Variants in ARMCX4 observed in about 807,000 individuals in gnomAD.
The protein encoded by ARMCX4 is armadillo repeat-containing X-linked protein 4.
In ARMCX4, 3 loss-of-function variants were observed where a neutral mutation model predicts 34.7. That is an observed-to-expected ratio of 0.09 (90% CI 0.04 to 0.22). The LOEUF (loss-of-function observed/expected upper bound fraction) is 0.22. ARMCX4 is among the 10% of genes least tolerant of loss of function. The probability of loss-of-function intolerance (pLI) is 1.00; values close to 1 mark genes in which losing one functional copy is unlikely to be tolerated. For missense variants in ARMCX4, 1,448 were observed against 1,720.8 expected, an observed-to-expected ratio of 0.84 and a Z score of 2.81; for synonymous variants, 513 against 632.8, an observed-to-expected ratio of 0.81 and a Z score of 2.84.
downstream of ARMCX4, among the ~76,000 whole-genome samples, chrX:101,496,812 T>C (rs1336657704): frequency 9.0e-6 from 1 of 111,507 alleles, no homozygotes; most frequent in Non-Finnish European, 1.9e-5. Flanking sequence ...TATACACTGG[T>C]ACAAGGTCCA....
At position 101,494,462 on chromosome X, in the gene ARMCX4, G is replaced by C; in HGVS notation, c.5873G>C (p.Ser1958Thr). 3.5e-6 allele frequency: 4 copies of C among 1,155,460 alleles called. No individual in the cohort carries two copies. Among genetic ancestry groups the C allele is most frequent in the Non-Finnish European group, 4.6e-6 (4 of 872,681 alleles). The change falls in exon 6 of 6, where the codon AGT becomes ACT. Residue 1958 changes from serine (S) to threonine (T), a missense_variant. Transcript: ENST00000423738. Reference sequence around the variant, plus strand: ...TTCTGTGCTGGTAATGAAAACACAAGTGAGGACAAATCTGCACCTAAGGCT... The same window carrying C: ...TTCTGTGCTGGTAATGAAAACACAACTGAGGACAAATCTGCACCTAAGGCT... ...SWFCAGNENTSEDKSAPKAKA... is the reference protein window; with the variant it reads ...SWFCAGNENTTEDKSAPKAKA...
intron 2 of ARMCX4, among the ~76,000 whole-genome samples, chrX:101,432,848 GTGTA>G (rs1930203120): frequency 1.1e-5 from 1 of 92,165 alleles, no homozygotes; most frequent in Admixed American, 1.2e-4. Flanking sequence ...GTATACATAT[GTGTA>G]TATATACACG....
In ARMCX4 at chrX:101,493,877, A is replaced by T. The variant is rs1206401793; in HGVS notation, c.5288A>T (p.Asp1763Val). Residue 1763 changes from aspartate (D) to valine (V), a missense_variant, in exon 6 of 6, where the codon GAT becomes GTT. Asp to Val is a radical substitution (Grantham distance 152, BLOSUM62 -3). Around this residue, in one of 2 missense-constraint regions of ARMCX4, gnomAD observed 1,343 missense variants for 1,540.7 expected, o/e 0.87. Transcript: ENST00000423738. The stretch of plus-strand genomic sequence containing the variant: ...ATTGTGTCCAGGCCTGATGATAAAG[A>T]TGAGGCCACTACTGCATCCAGATCA... ...ADIVSRPDDK[D>V]EATTASRSGA... is the part of the protein sequence containing the mutation. 11 of 1,148,000 alleles carry T rather than the reference A, an allele frequency of 9.6e-6. No individual in the cohort carries two copies. The highest frequency in any genetic ancestry group is 5.7e-6 in the Non-Finnish European group (5 of 870,775). The allele number at this position is 1,148,000 out of a possible 1,213,427, so 94.6% of individuals were successfully genotyped here.
chrX:101,465,818 C>A (rs1403922644), intron 4 of ARMCX4, among the ~76,000 whole-genome samples: 2 of 112,090 alleles, frequency 1.8e-5, no homozygotes, highest in African/African-American at 6.5e-5. Flanking sequence ...TCTCAACAAA[C>A]AGCAAAGGGT....
intron 2 of ARMCX4, among the ~76,000 whole-genome samples, chrX:101,436,436 CT>C (rs1300675491): frequency 2.1e-4 from 23 of 109,879 alleles, no homozygotes; most frequent in Admixed American, 1.9e-3. Context: ...CATGATTTGG[CT>C]CTCTGTTTGT....
intron 8 of ARMCX4, among the ~76,000 whole-genome samples, chrX:101,508,205 A>G (rs150592858): frequency 8.9e-6 from 1 of 112,507 alleles, no homozygotes; most frequent in East Asian, 2.8e-4. Flanking sequence ...ATTTCTCAGA[A>G]CGTATCTTCA....
intron 11 of ARMCX4, among the ~76,000 whole-genome samples, chrX:101,514,311 G>A (rs1316236888): frequency 9.0e-6 from 1 of 110,834 alleles, no homozygotes; most frequent in African/African-American, 3.3e-5. Flanking sequence ...ATGAAACCTG[G>A]CTATGAAAAA....
At chrX:101,527,099 A>G (rs1473638468) in intron 11 of ARMCX4, among the ~76,000 whole-genome samples, 1 of 112,088 alleles carries the variant, frequency 8.9e-6, no homozygotes, top group Non-Finnish European at 1.9e-5. Flanking sequence ...ACTCCTCAGC[A>G]AATGTAAAAG....
intron 2 of ARMCX4, among the ~76,000 whole-genome samples, chrX:101,433,979 T>C (rs781938673): frequency 9.3e-6 from 1 of 108,031 alleles, no homozygotes; most frequent in Non-Finnish European, 1.9e-5. Flanking sequence ...GGGGTCTGGC[T>C]CTGTCGCCCA....
Position 101,453,374 on chromosome X carries a change from G to A in ARMCX4, c.-473+7330G>A, listed in dbSNP as rs1010628075. ...GTTTCAGTAAATTTGATGTTCTATA[G>A]ACCCATGCTTCTCAAACTGAAATGT... is the stretch of plus-strand genomic sequence containing the variant. On this transcript the variant is annotated intron_variant and NMD_transcript_variant, in intron 4 of 15. Coordinates refer to the ARMCX4 transcript ENST00000433011. Among the ~76,000 whole-genome samples the A allele has an allele frequency of 2.7e-5, 3 of 111,975 alleles. No individual in the cohort carries two copies. In the East Asian group the frequency reaches 8.4e-4, roughly 31 times the overall value.
intron 2 of ARMCX4, among the ~76,000 whole-genome samples, chrX:101,439,649 C>T (rs1931099020): frequency 8.9e-6 from 1 of 111,925 alleles, no homozygotes; most frequent in Non-Finnish European, 1.9e-5. Context: ...CACATAGTCC[C>T]ATATTTCTTA....
Position 101,526,457 on chromosome X carries a change from T to C in ARMCX4, c.*1781-5187T>C, listed in dbSNP as rs1333886911. On this transcript the variant is annotated intron_variant and NMD_transcript_variant, in intron 11 of 12. Coordinates refer to the ARMCX4 transcript ENST00000354842. ...GCAAAATAACCAGCTAACGTCATAA[T>C]GACAGGATCAAATTCACACATAACA... is the stretch of plus-strand genomic sequence containing the variant. Among the ~76,000 whole-genome samples the C allele has an allele frequency of 3.6e-5, 4 of 111,889 alleles. No homozygotes were observed. In the East Asian group the frequency reaches 1.1e-3, roughly 31 times the overall value.
intron 2 of ARMCX4, among the ~76,000 whole-genome samples, chrX:101,432,534 G>A (rs782488639): frequency 1.1e-4 from 12 of 109,443 alleles, no homozygotes; most frequent in South Asian, 7.8e-4. Context: ...GGTAGTGCTC[G>A]CCTGTAGTCC....
chrX:101,466,280 T>C (rs148010138), intron 4 of ARMCX4, among the ~76,000 whole-genome samples: 1,467 of 112,145 alleles, frequency 0.013, 26 homozygotes, highest in African/African-American at 0.044. Context: ...GGAACTCTCA[T>C]ATGATTCTAG....
rs782327506 is a variant in ARMCX4, at chrX:101,531,562, T to C, written c.*1781-82T>C. 2.7e-5 allele frequency: 3 copies of C among 112,093 alleles called. No homozygotes were observed. In the East Asian group the frequency reaches 8.4e-4, roughly 31 times the overall value. 9.2% of individuals were successfully genotyped at this position (112,093 alleles called of 1,213,427 possible). A position where few individuals can be genotyped will look rare whatever the true frequency, so the allele number is the denominator to read the frequency against. On this transcript the variant is annotated intron_variant and NMD_transcript_variant, in intron 11 of 12. Transcript: ENST00000354842. ...GATGTAAATATCCAAAATAGAATAG[T>C]AGTAAATTCAAGCTAGTACTGTGGC... is the stretch of plus-strand genomic sequence containing the variant.
intron 11 of ARMCX4, among the ~76,000 whole-genome samples, chrX:101,518,373 T>C (rs1934784948): frequency 8.9e-6 from 1 of 111,835 alleles, no homozygotes; most frequent in Admixed American, 9.5e-5. Context: ...AGTGCAGTTA[T>C]AGATAGTGGT....
chrX:101,452,952 G>T (rs782606189), intron 4 of ARMCX4, among the ~76,000 whole-genome samples: 2 of 109,302 alleles, frequency 1.8e-5, no homozygotes, highest in Non-Finnish European at 3.8e-5. Context: ...ACAACACACC[G>T]GTTACTTTAT....
chrX:101,488,057 G>C lies in ARMCX4; in HGVS notation c.-189G>C, dbSNP rs1399541849. ...TATCTACTTTAGGGTGTACTGCCAA[G>C]AGAAGCAAGAGGAGAGGAGGGAACT... On this transcript the variant is annotated 5_prime_UTR_variant, in exon 5 of 6. Transcript: ENST00000423738. 3 of 945,608 alleles carry C rather than the reference G, an allele frequency of 3.2e-6. No homozygotes were observed. The highest frequency in any genetic ancestry group is 4.1e-6 in the Non-Finnish European group (3 of 733,281). The allele number at this position is 945,608 out of a possible 1,213,427, so 77.9% of individuals were successfully genotyped here.
chrX:101,497,309 T>G (rs1426223803), downstream of ARMCX4, among the ~76,000 whole-genome samples: 1 of 110,416 alleles, frequency 9.1e-6, no homozygotes, highest in Non-Finnish European at 1.9e-5. Flanking sequence ...CGGTCTGGGC[T>G]CACTGCAACC....
Sources: allele counts gnomAD v4.1 joint callset (sites outside exome capture counted in the v4.1 genomes callset), GRCh38; gene constraint gnomAD v4.1.1; regional missense constraint gnomAD v4.1.1; transcripts MANE v1.5; gene names NCBI Gene and HGNC (gene_info 2026-07-23, HGNC 2026-07-21).